Variants in CDH9 observed in about 807,000 individuals in gnomAD.
CDH9 encodes the protein cadherin 9, also known as cadherin-9.
Under a neutral mutation model 70.9 loss-of-function variants are expected in CDH9, and 28 were observed. That is an observed-to-expected ratio of 0.40 (90% CI 0.29 to 0.54). The LOEUF (loss-of-function observed/expected upper bound fraction) is 0.54, where lower values mean the gene tolerates loss of function less well. Ranked by LOEUF, CDH9 falls within the 20% of genes least tolerant of loss-of-function variation. CDH9 has a pLI of 0.59. For missense variants in CDH9, 874 were observed against 984.4 expected, an observed-to-expected ratio of 0.89 and a Z score of 1.50; for synonymous variants, 409 against 343.1, an observed-to-expected ratio of 1.19 and a Z score of -2.12.
intron 2 of CDH9, among the ~76,000 whole-genome samples, chr5:26,918,126 C>T (rs953708781): frequency 5.9e-5 from 9 of 152,310 alleles, no homozygotes; most frequent in East Asian, 1.9e-4. Context: ...TCTTGCTATA[C>T]ATTCTATACA....
chr5:26,915,421 T>G (rs1260428544), intron 3 of CDH9, among the ~76,000 whole-genome samples: 1 of 151,952 alleles, frequency 6.6e-6, no homozygotes, highest in Non-Finnish European at 1.5e-5. Context: ...TAACTGCTAT[T>G]GATAATCATA....
At chr5:26,891,514 C>A (rs1475219751) in intron 7 of CDH9, among the ~76,000 whole-genome samples, 1 of 152,024 alleles carries the variant, frequency 6.6e-6, no homozygotes, top group Non-Finnish European at 1.5e-5. Context: ...CCCGTCTCTA[C>A]TAAAAATACA....
chr5:26,886,259 C>T (rs1740565067), intron 9 of CDH9, among the ~76,000 whole-genome samples, 176 bp from the exon 10 acceptor site: 1 of 152,036 alleles, frequency 6.6e-6, no homozygotes, highest in African/African-American at 2.4e-5. Flanking sequence ...ACAGTTTTGT[C>T]TTAGATAACT....
chr5:27,020,730 A>G (rs557880183), intron 1 of CDH9, among the ~76,000 whole-genome samples: 7 of 43,568 alleles, frequency 1.6e-4, no homozygotes, highest in East Asian at 8.3e-4. Flanking sequence ...TCACACACGC[A>G]CACACACACA....
chr5:26,916,040 T>A, intron 2 of CDH9, 116 bp from the exon 3 acceptor site: 2 of 641,252 alleles, frequency 3.1e-6, no homozygotes, highest in Non-Finnish European at 5.2e-6. Context: ...ATTATCTTAA[T>A]GGTTATCTTG....
At chr5:26,962,869 G>A (rs1298982077) in intron 2 of CDH9, among the ~76,000 whole-genome samples, 1 of 151,924 alleles carries the variant, frequency 6.6e-6, no homozygotes, top group African/African-American at 2.4e-5. Context: ...TTTAGATCCT[G>A]CTCACCTCCT....
chr5:26,944,602 A>G (rs547674714), intron 2 of CDH9, among the ~76,000 whole-genome samples: 99 of 152,320 alleles, frequency 6.5e-4, no homozygotes, highest in African/African-American at 2.2e-3. Context: ...GCAGTCAGCC[A>G]TGATCCTGCC....
intron 1 of CDH9, among the ~76,000 whole-genome samples, chr5:26,991,380 G>A (rs537441268): frequency 6.6e-6 from 1 of 152,176 alleles, no homozygotes; most frequent in African/African-American, 2.4e-5. Context: ...GATGCCTAAC[G>A]TGCTGCAAGT....
At chr5:26,887,038 C>G (rs1442230364) in intron 9 of CDH9, among the ~76,000 whole-genome samples, 1 of 152,018 alleles carries the variant, frequency 6.6e-6, no homozygotes, top group African/African-American at 2.4e-5. Flanking sequence ...TACTGTATAC[C>G]TTTTATAACT....
chr5:27,037,968 AAAAT>A (rs1743422177), intron 1 of CDH9, among the ~76,000 whole-genome samples: 1 of 151,958 alleles, frequency 6.6e-6, no homozygotes, highest in Admixed American at 6.6e-5. Flanking sequence ...TATAATATTG[AAAAT>A]AAAGAAAGCA....
At chr5:26,911,835 AT>A (rs1250097974) in intron 3 of CDH9, among the ~76,000 whole-genome samples, 1 of 152,140 alleles carries the variant, frequency 6.6e-6, no homozygotes, top group Non-Finnish European at 1.5e-5. Flanking sequence ...GAGTCATTTT[AT>A]TTTAACCGAA....
intron 1 of CDH9, among the ~76,000 whole-genome samples, chr5:27,019,976 TGTTGGAAG>T (rs1743109804): frequency 1.3e-5 from 2 of 151,860 alleles, no homozygotes; most frequent in African/African-American, 4.8e-5. Flanking sequence ...AGTGTCAGCC[TGTTGGAAG>T]GTTGGGTTTA....
intron 2 of CDH9, among the ~76,000 whole-genome samples, chr5:26,923,071 A>T (rs1741273637): frequency 1.3e-5 from 1 of 79,596 alleles, no homozygotes; most frequent in Non-Finnish European, 2.2e-5. Context: ...ACATGAATTA[A>T]AAAAAAAAAA....
At chr5:26,886,668 A>G (rs1740572080) in intron 9 of CDH9, among the ~76,000 whole-genome samples, 1 of 152,190 alleles carries the variant, frequency 6.6e-6, no homozygotes, top group Non-Finnish European at 1.5e-5. Flanking sequence ...TTCCTTTAAC[A>G]GTATTTGCAA....
chr5:26,972,770 T>A (rs1742241738), intron 2 of CDH9, among the ~76,000 whole-genome samples: 1 of 152,188 alleles, frequency 6.6e-6, no homozygotes, highest in South Asian at 2.1e-4. Flanking sequence ...TGCACTTTAG[T>A]TGCAGATTGT....
rs74530196 is a variant in CDH9 at position 26,935,338 on chromosome 5, T to A, written c.229-19414A>T. Among the ~76,000 whole-genome samples the A allele has an allele frequency of 4.2e-3, 640 of 152,254 alleles. 5 individuals are homozygous for A. The highest frequency in any genetic ancestry group is 0.015 in the African/African-American group (617 of 41,550). On this transcript the variant is annotated intron_variant, in intron 2 of 11. Coordinates refer to ENST00000231021, the MANE Select transcript of CDH9 (RefSeq NM_016279.4). ...TAACATGAGAAACAAGGCAAGAATG[T>A]ACCCTCTTAATCACTCCTATTCAAC... is the stretch of plus-strand genomic sequence containing the variant.
intron 1 of CDH9, among the ~76,000 whole-genome samples, chr5:27,018,031 A>G (rs551846528): frequency 6.6e-6 from 1 of 152,034 alleles, no homozygotes; most frequent in East Asian, 1.9e-4. Flanking sequence ...TCAGCATAGT[A>G]AAAACAAGTG....
chr5:26,958,087 A>G lies in CDH9; in HGVS notation c.228+30019T>C, dbSNP rs552469580. ...CTAATACATGATTCAGAGGAAAGAG[A>G]CAAAAGATTCAGAAAACAACAACAG... On this transcript the variant is annotated intron_variant, in intron 2 of 11. Coordinates refer to ENST00000231021, the MANE Select transcript of CDH9 (RefSeq NM_016279.4). 5.9e-5 allele frequency among the ~76,000 whole-genome samples: 9 copies of G among 152,296 alleles called. No homozygotes were observed. In the South Asian group the frequency reaches 1.9e-3, roughly 32 times the overall value.
intron 1 of CDH9, among the ~76,000 whole-genome samples, chr5:27,037,209 TC>T (rs1314563598): frequency 5.3e-5 from 8 of 151,928 alleles, no homozygotes; most frequent in Admixed American, 2.0e-4. Flanking sequence ...GAAGGAAGAT[TC>T]CCTTCTGTCT....
Sources: allele counts gnomAD v4.1 joint callset (sites outside exome capture counted in the v4.1 genomes callset), GRCh38; gene constraint gnomAD v4.1.1; transcripts MANE v1.5; gene names NCBI Gene and HGNC (gene_info 2026-07-23, HGNC 2026-07-21).